The following ADAM23 variants were observed in gnomAD, a reference collection of about 807,000 sequenced individuals.
ADAM23 encodes disintegrin and metalloproteinase domain-containing protein 23.
In ADAM23, 33 loss-of-function variants were observed where a neutral mutation model predicts 120.1. The observed-to-expected ratio is 0.27, with a 90% confidence interval of 0.21 to 0.37. The LOEUF is 0.37. Among genes scored for constraint, ADAM23 ranks in the 10% least tolerant of loss-of-function variants. ADAM23 has a pLI of 1.00. For synonymous variants in ADAM23, 367 were observed against 375.2 expected (o/e 0.98, Z 0.25); for missense variants, 862 against 1,058.2 (o/e 0.81, Z 2.57).
At position 206,485,913 on chromosome 2, in the gene ADAM23, A is replaced by C. The variant is rs538616436; in HGVS notation, c.509+4605A>C. 2.8e-3 allele frequency among the ~76,000 whole-genome samples: 421 copies of C among 152,356 alleles called. 2 individuals carry two copies. The highest frequency in any genetic ancestry group is 9.6e-3 in the African/African-American group (401 of 41,596). On this transcript the variant is annotated intron_variant, in intron 3 of 25. Coordinates refer to ENST00000264377, the MANE Select transcript of ADAM23 (RefSeq NM_003812.4). ...GCCCTGGTTGTCAAAGAGGAGCCACAACACGTTGCTGGAAGGCTGAGGGTT... is the reference window on the plus strand; with the variant it reads ...GCCCTGGTTGTCAAAGAGGAGCCACCACACGTTGCTGGAAGGCTGAGGGTT...
intron 24 of ADAM23, among the ~76,000 whole-genome samples, chr2:206,598,261 G>T (rs1053012700): frequency 5.3e-5 from 8 of 152,028 alleles, no homozygotes; most frequent in African/African-American, 1.4e-4. Flanking sequence ...GTATAAAGAT[G>T]CCTCAACGGA....
chr2:206,604,122 C>A (rs1017172466), intron 24 of ADAM23, among the ~76,000 whole-genome samples: 1 of 151,818 alleles, frequency 6.6e-6, no homozygotes, highest in Admixed American at 6.6e-5. Flanking sequence ...AAAAATTAGC[C>A]GGGTGTGGTG....
intron 24 of ADAM23, among the ~76,000 whole-genome samples, chr2:206,600,114 A>C (rs1204696387): frequency 6.6e-6 from 1 of 152,198 alleles, no homozygotes; most frequent in Non-Finnish European, 1.5e-5. Context: ...AGGCAGGAGA[A>C]TGGCGTGAAC....
intron 3 of ADAM23, among the ~76,000 whole-genome samples, chr2:206,527,890 C>A (rs987987589): frequency 8.5e-5 from 13 of 152,072 alleles, no homozygotes; most frequent in African/African-American, 3.1e-4. Context: ...TCAGTATTTG[C>A]CATAGACCTC....
chr2:206,576,800 C>A (rs1045857878), intron 18 of ADAM23, among the ~76,000 whole-genome samples: 1 of 151,968 alleles, frequency 6.6e-6, no homozygotes, highest in Non-Finnish European at 1.5e-5. Context: ...ACAATACTTA[C>A]GTAATTAAGA....
chr2:206,594,283 G>A (rs1404877712), intron 22 of ADAM23, among the ~76,000 whole-genome samples: 1 of 151,986 alleles, frequency 6.6e-6, no homozygotes, highest in Admixed American at 6.5e-5. Flanking sequence ...TTTCAATTAT[G>A]GATAATCAGA....
At chr2:206,564,970 T>G in intron 13 of ADAM23, 50 bp from the exon 14 acceptor site, 1 of 1,604,626 alleles carries the variant, frequency 6.2e-7, no homozygotes, top group Non-Finnish European at 8.5e-7. Flanking sequence ...AATATGTGAC[T>G]TTCTTTGTTT....
At chr2:206,475,134 C>A (rs1405788604) in intron 2 of ADAM23, among the ~76,000 whole-genome samples, 1 of 152,112 alleles carries the variant, frequency 6.6e-6, no homozygotes, top group African/African-American at 2.4e-5. Flanking sequence ...ATAAAAATGT[C>A]TGCTGTACCA....
intron 18 of ADAM23, among the ~76,000 whole-genome samples, chr2:206,575,718 G>C (rs1161124844): frequency 6.6e-6 from 1 of 152,178 alleles, no homozygotes; most frequent in Non-Finnish European, 1.5e-5. Context: ...ACAGGTTACT[G>C]ACAAAATTGG....
chr2:206,478,410 T>TTA (rs1000744952), intron 2 of ADAM23, among the ~76,000 whole-genome samples: 1 of 151,606 alleles, frequency 6.6e-6, no homozygotes, highest in African/African-American at 2.4e-5. Context: ...AAAATCAGGT[T>TTA]TTTTTTTTCC....
intron 18 of ADAM23, among the ~76,000 whole-genome samples, chr2:206,575,593 G>C (rs938762544): frequency 1.2e-4 from 18 of 152,118 alleles, no homozygotes; most frequent in African/African-American, 4.3e-4. Context: ...GCTCCCAATA[G>C]AGTACACTTG....
At chr2:206,521,755 A>G (rs1165384020) in intron 3 of ADAM23, among the ~76,000 whole-genome samples, 1 of 152,168 alleles carries the variant, frequency 6.6e-6, no homozygotes, top group Admixed American at 6.6e-5. Flanking sequence ...TACATCATGC[A>G]TGTATTGTTT....
intron 3 of ADAM23, among the ~76,000 whole-genome samples, chr2:206,481,827 A>G (rs943840874): frequency 1.3e-5 from 2 of 152,190 alleles, no homozygotes; most frequent in African/African-American, 2.4e-5. Context: ...GTCTCTGAGC[A>G]TGTGTTTGTT....
intron 21 of ADAM23, among the ~76,000 whole-genome samples, chr2:206,590,455 G>C (rs1487425578): frequency 6.6e-6 from 1 of 152,094 alleles, no homozygotes; most frequent in African/African-American, 2.4e-5. Flanking sequence ...GGTTATTAAG[G>C]TTAATTGAAT....
intron 25 of ADAM23, 26 bp downstream of exon 25, chr2:206,610,026 T>C: frequency 5.9e-6 from 9 of 1,523,518 alleles, no homozygotes; most frequent in Non-Finnish European, 7.9e-6. Flanking sequence ...TGTCTTCTTC[T>C]CAGTGGCTCT....
chr2:206,578,252 A>T lies in ADAM23; in HGVS notation c.1737+5057A>T, dbSNP rs903051465. ...TGGGGTACAGGTGGTATTTGGTTACATGAGTAGGTTCTTTAGTGGTGATTT... is the reference window on the plus strand; with the variant it reads ...TGGGGTACAGGTGGTATTTGGTTACTTGAGTAGGTTCTTTAGTGGTGATTT... On this transcript the variant is annotated intron_variant, in intron 18 of 25. Transcript: ENST00000264377. 1.2e-4 allele frequency among the ~76,000 whole-genome samples: 18 copies of T among 152,198 alleles called. No homozygotes were observed. The East Asian group carries it at 1.5e-3, about 13-fold the overall frequency.
intron 18 of ADAM23, among the ~76,000 whole-genome samples, chr2:206,586,093 G>T (rs1410782066): frequency 2.0e-5 from 3 of 152,228 alleles, no homozygotes; most frequent in African/African-American, 7.2e-5. Flanking sequence ...AGCATGACTG[G>T]TGTGTCCACG....
At chr2:206,559,182 G>A (rs1219401523) in intron 10 of ADAM23, among the ~76,000 whole-genome samples, 2 of 152,192 alleles carry the variant, frequency 1.3e-5, no homozygotes, top group East Asian at 1.9e-4. Context: ...CTGACCCTGT[G>A]AAGCACCCGC....
Position 206,617,800 on chromosome 2 carries a change from A to T in ADAM23, c.*173A>T. ...GTAAAAGAAAACTGTCTCTTTTGGA[A>T]ATAATGTCAAAGAACACCTTTCACC... On this transcript the variant is annotated 3_prime_UTR_variant, in exon 26 of 26. Transcript: ENST00000264377. 7.3e-7 allele frequency: 1 copy of T among 1,367,294 alleles called. No individual in the cohort carries two copies. The highest frequency in any genetic ancestry group is 9.6e-7 in the Non-Finnish European group (1 of 1,043,572). 84.7% of individuals were successfully genotyped at this position (1,367,294 alleles called of 1,614,324 possible). A position where few individuals can be genotyped will look rare whatever the true frequency, so the allele number is the denominator to read the frequency against.
Sources: gnomAD v4.1 joint callset for allele counts (sites outside exome capture counted in the v4.1 genomes callset) on GRCh38, gnomAD v4.1.1 for gene constraint, MANE v1.5 for transcripts, NCBI Gene and HGNC (gene_info 2026-07-23, HGNC 2026-07-21) for gene names.